PIK3C2A: variants seen among roughly 807,000 people sequenced by gnomAD.
PIK3C2A encodes the protein phosphatidylinositol 4-phosphate 3-kinase C2 domain-containing subunit alpha.
A neutral mutation model predicts 204.5 loss-of-function variants in PIK3C2A; 97 were observed. The observed-to-expected ratio is 0.47, with a 90% CI of 0.40 to 0.56. The LOEUF is 0.56. PIK3C2A is among the 20% of genes least tolerant of loss of function. PIK3C2A has a pLI of 0.00. For synonymous variants in PIK3C2A, 653 were observed against 664.4 expected (o/e 0.98, Z 0.26); for missense variants, 1,735 against 1,969.2 (o/e 0.88, Z 2.25).
At chr11:17,130,388 G>T (rs1849655256) in intron 12 of PIK3C2A, among the ~76,000 whole-genome samples, 2 of 152,150 alleles carry the variant, frequency 1.3e-5, no homozygotes, top group East Asian at 1.9e-4. Context: ...TCACAGACAT[G>T]TATTATTTTA....
At chr11:17,165,130 C>T (rs1850903699) in intron 2 of PIK3C2A, among the ~76,000 whole-genome samples, 1 of 152,088 alleles carries the variant, frequency 6.6e-6, no homozygotes, top group Admixed American at 6.6e-5. Flanking sequence ...GGGTTTTGAG[C>T]TGAAAAGAAA....
intron 26 of PIK3C2A, among the ~76,000 whole-genome samples, chr11:17,099,302 G>GC (rs1417044663): frequency 1.3e-5 from 2 of 152,182 alleles, no homozygotes; most frequent in East Asian, 3.8e-4. Flanking sequence ...ACCAGGGTTT[G>GC]CTGGATTAAA....
rs144953008 is a variant in PIK3C2A at position 17,116,567 on chromosome 11, T to C, written c.3216+924A>G. On this transcript the variant is annotated intron_variant, in intron 19 of 32. Transcript: ENST00000691414. ...TGGAAACAGTTGTTTAAACACAAAT[T>C]TATACATGAATATTCATAGCAGTAT... Among the ~76,000 whole-genome samples, 19 of 152,238 alleles carry C rather than the reference T, an allele frequency of 1.2e-4. 1 individual carries two copies. The East Asian group carries it at 3.7e-3, about 29-fold the overall frequency.
intron 19 of PIK3C2A, among the ~76,000 whole-genome samples, chr11:17,115,984 G>A (rs1289146950): frequency 1.3e-5 from 2 of 152,118 alleles, no homozygotes; most frequent in Non-Finnish European, 2.9e-5. Context: ...TAGATTTAAT[G>A]ATGGATTCTT....
chr11:17,093,208 C>CGGGA (rs1432120568), intron 28 of PIK3C2A, among the ~76,000 whole-genome samples: 2 of 152,242 alleles, frequency 1.3e-5, no homozygotes, highest in Non-Finnish European at 2.9e-5. Flanking sequence ...AAACTGAAGA[C>CGGGA]TCCCAAAGGG....
intron 1 of PIK3C2A, among the ~76,000 whole-genome samples, chr11:17,199,802 G>A (rs1032839597): frequency 6.6e-6 from 1 of 151,444 alleles, no homozygotes; most frequent in East Asian, 1.9e-4. Context: ...GTACATGCCT[G>A]TAGTCCCAGC....
At chr11:17,174,018 G>A (rs190405720) in intron 1 of PIK3C2A, among the ~76,000 whole-genome samples, 6 of 152,030 alleles carry the variant, frequency 3.9e-5, no homozygotes, top group Middle Eastern at 3.4e-3. Flanking sequence ...GACTAATAGC[G>A]TTTTGCCATG....
chr11:17,125,311 T>C (rs1849487491), intron 13 of PIK3C2A, among the ~76,000 whole-genome samples: 1 of 152,186 alleles, frequency 6.6e-6, no homozygotes, highest in African/African-American at 2.4e-5. Flanking sequence ...GGGGGACAAC[T>C]GGCATCTAAT....
Position 17,122,322 on chromosome 11 carries a change from A to G in PIK3C2A, c.2523T>C (p.Pro841=), listed in dbSNP as rs749014804. ...TATAAATAATATCAAATGCAGGAGA[A>G]GGAAAATCAACCTTTAAAATTTAAC... The part of the protein sequence containing the change: ...MERIVLQVDF[P]SPAFDIIYTT... Residue 841 remains proline (P), a synonymous_variant, in exon 15 of 33, where the codon CCT becomes CCC. Coordinates refer to ENST00000691414, the MANE Select transcript of PIK3C2A (RefSeq NM_002645.4). 14 of 1,541,634 alleles carry G rather than the reference A, an allele frequency of 9.1e-6. No homozygotes were observed. The Admixed American group carries it at 2.2e-4, about 25-fold the overall frequency.
At chr11:17,100,311 T>G (rs1848589226) in intron 25 of PIK3C2A, among the ~76,000 whole-genome samples, 1 of 147,254 alleles carries the variant, frequency 6.8e-6, no homozygotes, top group Non-Finnish European at 1.5e-5. Flanking sequence ...CCTCCAGGGT[T>G]CAAGCAATTC....
intron 1 of PIK3C2A, 79 bp from the exon 2 acceptor site, chr11:17,169,885 C>G: frequency 1.6e-6 from 1 of 607,470 alleles, no homozygotes; most frequent in East Asian, 2.8e-5. Context: ...CCCCATATGA[C>G]TTTGGACTTT....
chr11:17,138,058 A>T (rs1849933080), intron 8 of PIK3C2A: 1 of 662,380 alleles, frequency 1.5e-6, no homozygotes, highest in Non-Finnish European at 2.8e-6. Context: ...AGCATGCTTG[A>T]TCCTGTCACT....
chr11:17,091,507 A>C, intron 31 of PIK3C2A, 40 bp downstream of exon 31: 1 of 1,610,316 alleles, frequency 6.2e-7, no homozygotes, highest in Non-Finnish European at 8.5e-7. Flanking sequence ...TACCAAGGTA[A>C]GGGTTTCCTC....
intron 1 of PIK3C2A, among the ~76,000 whole-genome samples, chr11:17,184,536 G>A (rs937259097): frequency 4.6e-5 from 7 of 152,014 alleles, no homozygotes; most frequent in Non-Finnish European, 7.4e-5. Flanking sequence ...TTGTATAGCT[G>A]TACTATGTTC....
intron 1 of PIK3C2A, among the ~76,000 whole-genome samples, chr11:17,185,680 C>T (rs1851729313): frequency 6.6e-6 from 1 of 151,318 alleles, no homozygotes; most frequent in African/African-American, 2.4e-5. Context: ...AGGAAGGCAA[C>T]AACATTTAGT....
intron 8 of PIK3C2A, chr11:17,138,290 C>A (rs1317642388): frequency 3.1e-6 from 2 of 647,712 alleles, no homozygotes; most frequent in Non-Finnish European, 5.5e-6. Context: ...TGAGGATATG[C>A]CAAATGCCCC....
chr11:17,096,772 T>G (rs1230872663), intron 27 of PIK3C2A, among the ~76,000 whole-genome samples: 1 of 152,196 alleles, frequency 6.6e-6, no homozygotes, highest in African/African-American at 2.4e-5. Context: ...GAGACTGGAA[T>G]AGGAACTTTG....
chr11:17,155,508 T>C lies in PIK3C2A; in HGVS notation c.1169+18A>G. ...AGTGAATTTTTCAAATGAACATTTA[T>C]AAAGAAAAATTCCTTACTTTGTAAT... is the stretch of plus-strand genomic sequence containing the variant. On this transcript the variant is annotated intron_variant, in intron 3 of 32. Coordinates refer to ENST00000691414, the MANE Select transcript of PIK3C2A (RefSeq NM_002645.4). The C allele has an allele frequency of 7.2e-7, 1 of 1,390,396 alleles. No individual in the cohort carries two copies. The highest frequency in any genetic ancestry group is 1.4e-5 in the African/African-American group (1 of 70,714). The allele number at this position is 1,390,396 out of a possible 1,614,324, so 86.1% of individuals were successfully genotyped here. A position where few individuals can be genotyped will look rare whatever the true frequency, so the allele number is the denominator to read the frequency against.
intron 2 of PIK3C2A, among the ~76,000 whole-genome samples, chr11:17,155,846 T>C (rs1204620075): frequency 6.6e-6 from 1 of 152,200 alleles, no homozygotes; most frequent in Non-Finnish European, 1.5e-5. Context: ...TGCTCAATAG[T>C]AGAAACAGGC....
Sources: allele counts gnomAD v4.1 joint callset (sites outside exome capture counted in the v4.1 genomes callset), GRCh38; gene constraint gnomAD v4.1.1; transcripts MANE v1.5; gene names NCBI Gene and HGNC (gene_info 2026-07-23, HGNC 2026-07-21).